Variants in PLD1 observed in about 807,000 individuals in gnomAD.
The protein encoded by PLD1 is phospholipase D1.
Under a neutral mutation model 137.1 loss-of-function variants are expected in PLD1, and 112 were observed. The ratio of observed to expected loss-of-function variants is 0.82; its 90% CI spans 0.70 to 0.96. The LOEUF (loss-of-function observed/expected upper bound fraction) is 0.96. PLD1 is among the 40% of genes least tolerant of loss of function. The pLI is 0.00. For synonymous variants in PLD1, 431 were observed against 454.7 expected, an observed-to-expected ratio of 0.95 and a Z score of 0.66; for missense variants, 1,321 against 1,342.0, an observed-to-expected ratio of 0.98 and a Z score of 0.24.
chr3:171,635,996 T>G (rs987252575), intron 23 of PLD1, among the ~76,000 whole-genome samples: 10 of 122,708 alleles, frequency 8.1e-5, no homozygotes, highest in African/African-American at 3.5e-4. Flanking sequence ...TTTTTTTTTT[T>G]TGCAAGTGGA....
rs868253895 is a variant in PLD1, at chr3:171,718,253, G to A, written c.759-4208C>T. ...TACATCCCCCTCAAGACTGAACCAG[G>A]AAGAGACTGAATCCTTAAGTGGACC... is the stretch of plus-strand genomic sequence containing the variant. On this transcript the variant is annotated intron_variant, in intron 8 of 26. Transcript: ENST00000351298. Among the ~76,000 whole-genome samples, 3 of 152,142 alleles carry A rather than the reference G, an allele frequency of 2.0e-5. No homozygotes were observed. The South Asian group carries it at 6.2e-4, about 32-fold the overall frequency.
intron 9 of PLD1, among the ~76,000 whole-genome samples, chr3:171,710,442 C>A (rs116267141): frequency 0.033 from 5,086 of 152,184 alleles, 308 homozygotes; most frequent in African/African-American, 0.12. Flanking sequence ...CACCTCAGGC[C>A]ATCAGGAAGT....
intron 19 of PLD1, among the ~76,000 whole-genome samples, chr3:171,664,095 G>A (rs1345675544): frequency 6.6e-6 from 1 of 152,012 alleles, no homozygotes; most frequent in African/African-American, 2.4e-5. Flanking sequence ...AAAATTATCA[G>A]ATGAATATGT....
intron 1 of PLD1, among the ~76,000 whole-genome samples, chr3:171,753,601 C>A (rs546096187): frequency 6.6e-6 from 1 of 152,308 alleles, no homozygotes; most frequent in Non-Finnish European, 1.5e-5. Flanking sequence ...AGGGCAGAAT[C>A]TCTCAATGTC....
chr3:171,657,287 G>T (rs761430468), intron 21 of PLD1, among the ~76,000 whole-genome samples: 3 of 152,168 alleles, frequency 2.0e-5, no homozygotes, highest in Non-Finnish European at 4.4e-5. Flanking sequence ...GATAGTTACT[G>T]TTATAATATG....
In PLD1 at chr3:171,713,986, G is replaced by A; in HGVS notation, c.818C>T (p.Ala273Val). 6.2e-7 allele frequency: 1 copy of A among 1,608,924 alleles called. No homozygotes were observed. The highest frequency in any genetic ancestry group is 8.5e-7 in the Non-Finnish European group (1 of 1,175,330). ...TTCTTTGTCTACCAGCAGGACGAAG[G>A]CAATGGCACCGCTGTCTGGTTTCAT... ...LYMKPDSGAI[A>V]FVLLVDKEFK... is the part of the protein sequence containing the mutation. The change falls in exon 9 of 27, where the codon GCC becomes GTC. Residue 273 changes from alanine (A) to valine (V), a missense_variant. Physicochemically the swap from Ala to Val is moderately conservative, Grantham distance 64. Coordinates refer to ENST00000351298, the MANE Select transcript of PLD1 (RefSeq NM_002662.5).
At chr3:171,664,768 A>AT (rs1211128673) in intron 19 of PLD1, among the ~76,000 whole-genome samples, 1 of 152,068 alleles carries the variant, frequency 6.6e-6, no homozygotes, top group African/African-American at 2.4e-5. Context: ...CGGAATCTCC[A>AT]TGATGTTTAA....
At chr3:171,662,406 A>C (rs573836278) in intron 19 of PLD1, among the ~76,000 whole-genome samples, 2 of 152,324 alleles carry the variant, frequency 1.3e-5, no homozygotes, top group East Asian at 3.9e-4. Flanking sequence ...GCTGGAAATC[A>C]CATCCTGAAT....
intron 21 of PLD1, among the ~76,000 whole-genome samples, chr3:171,645,666 C>T (rs1427286887): frequency 2.0e-5 from 3 of 151,808 alleles, no homozygotes; most frequent in Non-Finnish European, 4.4e-5. Flanking sequence ...AGGTGGACCA[C>T]GAGGTCAAGA....
At chr3:171,614,553 A>G (rs1732936054) in intron 24 of PLD1, among the ~76,000 whole-genome samples, 1 of 152,238 alleles carries the variant, frequency 6.6e-6, no homozygotes, top group South Asian at 2.1e-4. Flanking sequence ...TAACTCTACA[A>G]TAACTGCACC....
At chr3:171,650,832 A>C (rs1368092995) in intron 21 of PLD1, among the ~76,000 whole-genome samples, 2 of 152,088 alleles carry the variant, frequency 1.3e-5, no homozygotes, top group African/African-American at 4.8e-5. Context: ...CGGGAGGCGG[A>C]GCTTGGCAGT....
At chr3:171,755,805 C>G (rs902619924) in intron 1 of PLD1, among the ~76,000 whole-genome samples, 10 of 152,316 alleles carry the variant, frequency 6.6e-5, no homozygotes, top group Non-Finnish European at 1.3e-4. Context: ...CGATCCTTGT[C>G]CTGATCTTCA....
intron 12 of PLD1, among the ~76,000 whole-genome samples, chr3:171,695,902 A>C (rs1715650960): frequency 6.6e-6 from 1 of 152,222 alleles, no homozygotes; most frequent in Admixed American, 6.5e-5. Flanking sequence ...AGAGCACAAA[A>C]GCTCATGTGC....
chr3:171,706,285 G>T (rs1716691050), intron 11 of PLD1, among the ~76,000 whole-genome samples: 1 of 148,444 alleles, frequency 6.7e-6, no homozygotes, highest in Non-Finnish European at 1.5e-5. Flanking sequence ...TTAAATGCTG[G>T]TCACAACTTA....
chr3:171,608,877 A>G (rs964990887), intron 25 of PLD1, among the ~76,000 whole-genome samples: 3 of 152,026 alleles, frequency 2.0e-5, no homozygotes, highest in African/African-American at 7.2e-5. Context: ...GCAGGTGGGG[A>G]AAAAAAAGAA....
chr3:171,650,232 G>A (rs1008251614), intron 21 of PLD1, among the ~76,000 whole-genome samples: 28 of 152,160 alleles, frequency 1.8e-4, no homozygotes, highest in African/African-American at 6.5e-4. Context: ...GCCTCAAGCT[G>A]AGTTCGGGGA....
At chr3:171,703,587 A>C (rs1716425133) in intron 11 of PLD1, among the ~76,000 whole-genome samples, 1 of 152,244 alleles carries the variant, frequency 6.6e-6, no homozygotes, top group Non-Finnish European at 1.5e-5. Context: ...AAAAAACATA[A>C]AGTACTCAGT....
At chr3:171,745,892 AG>A (rs904052978) in intron 1 of PLD1, among the ~76,000 whole-genome samples, 2 of 151,828 alleles carry the variant, frequency 1.3e-5, no homozygotes, top group African/African-American at 2.4e-5. Context: ...GTGTGGAGGG[AG>A]AGACGCCAGT....
chr3:171,730,507 A>G (rs1718853871), intron 6 of PLD1, among the ~76,000 whole-genome samples: 1 of 152,148 alleles, frequency 6.6e-6, no homozygotes. Context: ...ATGGCTGTAT[A>G]AAAGTGAGAG....
Sources: gnomAD v4.1 joint callset for allele counts (sites outside exome capture counted in the v4.1 genomes callset) on GRCh38, gnomAD v4.1.1 for gene constraint, MANE v1.5 for transcripts, NCBI Gene and HGNC (gene_info 2026-07-23, HGNC 2026-07-21) for gene names.